Variants in PLD5 observed in about 807,000 individuals in gnomAD.
The protein encoded by PLD5 is inactive phospholipase D5.
PLD5 carries 36 observed loss-of-function variants against 61.1 expected under a neutral mutation model. The ratio of observed to expected loss-of-function variants is 0.59; its 90% CI spans 0.45 to 0.78. The LOEUF (loss-of-function observed/expected upper bound fraction) is 0.78, where lower values mean the gene tolerates loss of function less well. PLD5 is among the 30% of genes least tolerant of loss of function. PLD5 has a pLI of 0.00. For synonymous variants in PLD5, 243 were observed against 242.8 expected (o/e 1.00, Z -0.01); for missense variants, 515 against 644.4 (o/e 0.80, Z 2.17).
intron 1 of PLD5, among the ~76,000 whole-genome samples, chr1:242,485,217 G>A (rs1667915980): frequency 6.6e-6 from 1 of 152,120 alleles, no homozygotes; most frequent in South Asian, 2.1e-4. Flanking sequence ...CAGGAAATAA[G>A]GCAGGAGAAA....
At chr1:242,441,520 C>T (rs1425992202) in intron 1 of PLD5, among the ~76,000 whole-genome samples, 1 of 152,118 alleles carries the variant, frequency 6.6e-6, no homozygotes, top group Admixed American at 6.5e-5. Context: ...CTAAGCTTAT[C>T]TTAGTTTCCT....
intron 7 of PLD5, among the ~76,000 whole-genome samples, chr1:242,112,831 T>C (rs1661633990): frequency 6.6e-6 from 1 of 152,204 alleles, no homozygotes; most frequent in Admixed American, 6.5e-5. Flanking sequence ...TGGATCAAAC[T>C]AATTATTCAA....
chr1:242,520,059 G>T lies in PLD5; in HGVS notation c.189+4029C>A, dbSNP rs139286890. Among the ~76,000 whole-genome samples the T allele has an allele frequency of 2.6e-5, 4 of 152,316 alleles. No individual in the cohort carries two copies. In the East Asian group the frequency reaches 7.7e-4, roughly 29 times the overall value. On this transcript the variant is annotated intron_variant, in intron 1 of 9. Transcript: ENST00000536534. ...GTCACAGATGTTCCCTTCCTTCTGGGTCTTAGCTGGATCCCCTTGTGCTAC... is the reference window on the plus strand; with the variant it reads ...GTCACAGATGTTCCCTTCCTTCTGGTTCTTAGCTGGATCCCCTTGTGCTAC...
intron 6 of PLD5, among the ~76,000 whole-genome samples, chr1:242,114,484 T>C (rs1361893867): frequency 6.6e-6 from 1 of 152,204 alleles, no homozygotes; most frequent in Non-Finnish European, 1.5e-5. Context: ...AGTATAGTCA[T>C]AGTTAACTAC....
intron 7 of PLD5, among the ~76,000 whole-genome samples, chr1:242,108,799 T>G (rs1320017920): frequency 6.6e-6 from 1 of 152,192 alleles, no homozygotes; most frequent in Non-Finnish European, 1.5e-5. Flanking sequence ...AGTGTCATGA[T>G]CATTGCACCT....
chr1:242,525,594 A>C (rs1669427184), upstream of PLD5, among the ~76,000 whole-genome samples: 2 of 152,270 alleles, frequency 1.3e-5, no homozygotes, highest in South Asian at 4.1e-4. Flanking sequence ...GTTTTATCTA[A>C]ATGCTAAACA....
At chr1:242,463,063 G>A (rs183732582) in intron 1 of PLD5, among the ~76,000 whole-genome samples, 117 of 152,174 alleles carry the variant, frequency 7.7e-4, no homozygotes, top group Non-Finnish European at 1.9e-4. Flanking sequence ...AGCTGCGAAC[G>A]CTCTGTAATG....
At chr1:242,460,241 C>G (rs1667075341) in intron 1 of PLD5, among the ~76,000 whole-genome samples, 1 of 152,180 alleles carries the variant, frequency 6.6e-6, no homozygotes, top group South Asian at 2.1e-4. Context: ...CCCTCACTAA[C>G]CTACCCCCGC....
intron 1 of PLD5, among the ~76,000 whole-genome samples, chr1:242,474,775 A>G (rs1174034967): frequency 1.3e-5 from 2 of 152,260 alleles, no homozygotes; most frequent in Admixed American, 1.3e-4. Context: ...GCGCCCCTGC[A>G]TCCATCACAC....
At chr1:242,410,054 C>A (rs73132317) in intron 1 of PLD5, among the ~76,000 whole-genome samples, 4,417 of 152,242 alleles carry the variant, frequency 0.029, 217 homozygotes, top group African/African-American at 0.098. Context: ...AAAATAATGT[C>A]TTAATAACTC....
At chr1:242,167,780 C>G (rs996017629) in intron 5 of PLD5, among the ~76,000 whole-genome samples, 6 of 152,252 alleles carry the variant, frequency 3.9e-5, no homozygotes, top group Middle Eastern at 3.4e-3. Flanking sequence ...GGATTGCCTA[C>G]GTGAAAACAA....
At chr1:242,385,335 G>A (rs551366284) in intron 1 of PLD5, among the ~76,000 whole-genome samples, 1 of 152,128 alleles carries the variant, frequency 6.6e-6, no homozygotes, top group Non-Finnish European at 1.5e-5. Context: ...GTCTAGACTT[G>A]CTGGCTCCTT....
intron 1 of PLD5, among the ~76,000 whole-genome samples, chr1:242,369,000 A>C (rs1661490589): frequency 6.6e-6 from 1 of 152,186 alleles, no homozygotes; most frequent in Non-Finnish European, 1.5e-5. Context: ...AATGTGCCTC[A>C]GTTTCTCTTT....
At chr1:242,157,277 C>T (rs980030414) in intron 5 of PLD5, among the ~76,000 whole-genome samples, 1 of 152,194 alleles carries the variant, frequency 6.6e-6, no homozygotes, top group Non-Finnish European at 1.5e-5. Context: ...AGGTTCTTAG[C>T]TTCCTTGCAT....
chr1:242,359,162 TC>T (rs201534886), intron 1 of PLD5, among the ~76,000 whole-genome samples: 3,230 of 152,304 alleles, frequency 0.021, 50 homozygotes, highest in African/African-American at 0.033. Flanking sequence ...GGTTTTACCC[TC>T]CTTGCTTTGT....
intron 1 of PLD5, among the ~76,000 whole-genome samples, chr1:242,447,538 T>C (rs1666595086): frequency 6.6e-6 from 1 of 152,268 alleles, no homozygotes; most frequent in Admixed American, 6.5e-5. Context: ...TGTTAAATTA[T>C]TGCCATTTTA....
rs867457698 is a variant in PLD5 at position 242,367,017 on chromosome 1, A to G, written c.190-18775T>C. Among the ~76,000 whole-genome samples the G allele has an allele frequency of 2.0e-5, 3 of 152,324 alleles. No individual in the cohort carries two copies. The Middle Eastern group carries it at 0.01, about 518-fold the overall frequency. On this transcript the variant is annotated intron_variant, in intron 1 of 9. Transcript: ENST00000536534. ...CCCATATTAGCATACAAAATATAAT[A>G]TGTGGTACAGAGGGCATCTTTTTTA...
At chr1:242,296,832 C>T (rs940864670) in intron 2 of PLD5, among the ~76,000 whole-genome samples, 1 of 152,182 alleles carries the variant, frequency 6.6e-6, no homozygotes, top group African/African-American at 2.4e-5. Context: ...ACCTTCCTGC[C>T]TTACAGCCTC....
At chr1:242,104,336 G>A (rs1038711580) in intron 8 of PLD5, among the ~76,000 whole-genome samples, 1 of 142,234 alleles carries the variant, frequency 7.0e-6, no homozygotes, top group Non-Finnish European at 1.5e-5. Flanking sequence ...GTCTTGCCAT[G>A]TTGTCCAGGC....
Sources: allele counts gnomAD v4.1 joint callset (sites outside exome capture counted in the v4.1 genomes callset), GRCh38; gene constraint gnomAD v4.1.1; transcripts MANE v1.5; gene names NCBI Gene and HGNC (gene_info 2026-07-23, HGNC 2026-07-21).